WWOX: variants seen among roughly 807,000 people sequenced by gnomAD.
The protein encoded by WWOX is WW domain containing oxidoreductase, also known as WW domain-containing oxidoreductase.
In WWOX, 69 loss-of-function variants were observed where a neutral mutation model predicts 46.2. That is an observed-to-expected ratio of 1.49 (90% confidence interval 1.23 to 1.82). The LOEUF is 1.82. Ranked by LOEUF, WWOX falls within the 40% of genes most tolerant of loss-of-function variation. WWOX has a pLI of 0.00. For synonymous variants in WWOX, 359 were observed against 202.6 expected (o/e 1.77, Z -6.56); for missense variants, 919 against 542.6 (o/e 1.69, Z -6.89).
chr16:78,153,087 G>A (rs752037234), intron 4 of WWOX, among the ~76,000 whole-genome samples: 7 of 152,138 alleles, frequency 4.6e-5, no homozygotes, highest in Non-Finnish European at 5.9e-5. Flanking sequence ...GCTGTGGATC[G>A]TGTTTAGTAA....
intron 4 of WWOX, among the ~76,000 whole-genome samples, chr16:78,129,073 G>C (rs987495884): frequency 6.6e-6 from 1 of 152,154 alleles, no homozygotes; most frequent in African/African-American, 2.4e-5. Flanking sequence ...TTTGGCAAGG[G>C]ATACCATCCT....
rs184235227 is a variant in WWOX, at chr16:79,135,146, T to C, written c.1057-76462T>C. Among the ~76,000 whole-genome samples the C allele has an allele frequency of 3.0e-4, 45 of 152,346 alleles. No homozygotes were observed. The East Asian group carries it at 8.5e-3, about 29-fold the overall frequency. ...CTTCTCAGGAAATGTTTTCTTCTTA[T>C]ACCTCCAAAATAACCACTGTTGACA... On this transcript the variant is annotated intron_variant, in intron 8 of 8. Transcript: ENST00000566780.
At chr16:79,094,084 CTCAT>C (rs1464472111) in intron 8 of WWOX, among the ~76,000 whole-genome samples, 6 of 152,170 alleles carry the variant, frequency 3.9e-5, no homozygotes, top group Non-Finnish European at 8.8e-5. Context: ...CCACCTAGCA[CTCAT>C]CCCACCTCCT....
chr16:79,098,433 C>G (rs2049120696), intron 8 of WWOX, among the ~76,000 whole-genome samples: 1 of 152,164 alleles, frequency 6.6e-6, no homozygotes, highest in African/African-American at 2.4e-5. Context: ...CAGGGGTCAC[C>G]ATGGGCAAAG....
chr16:79,158,416 C>T (rs1597430816), intron 8 of WWOX, among the ~76,000 whole-genome samples: 1 of 152,208 alleles, frequency 6.6e-6, no homozygotes. Context: ...GCTGCAGGAT[C>T]ACTTGCTTTA....
At chr16:78,701,497 C>G (rs2048216361) in intron 8 of WWOX, among the ~76,000 whole-genome samples, 2 of 152,128 alleles carry the variant, frequency 1.3e-5, no homozygotes, top group African/African-American at 4.8e-5. Flanking sequence ...CCTTACCTCT[C>G]TCTACCTCTA....
chr16:78,706,388 G>A (rs1474395970), intron 8 of WWOX, among the ~76,000 whole-genome samples: 1 of 151,998 alleles, frequency 6.6e-6, no homozygotes, highest in Non-Finnish European at 1.5e-5. Context: ...CCTTCTCCAG[G>A]AATCTCTCTG....
intron 5 of WWOX, among the ~76,000 whole-genome samples, chr16:78,321,693 C>T (rs1279716195): frequency 2.6e-5 from 4 of 151,990 alleles, no homozygotes; most frequent in Admixed American, 6.6e-5. Context: ...GATTGGAAGC[C>T]GCGTGGTAGT....
At chr16:78,411,459 A>T (rs1456014544) in intron 6 of WWOX, among the ~76,000 whole-genome samples, 1 of 152,166 alleles carries the variant, frequency 6.6e-6, no homozygotes, top group African/African-American at 2.4e-5. Context: ...GCACGAATAA[A>T]GACCCAGACT....
chr16:78,608,467 C>T (rs1023820473), intron 8 of WWOX, among the ~76,000 whole-genome samples: 2 of 152,194 alleles, frequency 1.3e-5, no homozygotes, highest in East Asian at 1.9e-4. Context: ...TATAAAGCTG[C>T]GACTTGGCCA....
At chr16:78,680,628 T>G (rs977787595) in intron 8 of WWOX, among the ~76,000 whole-genome samples, 1 of 152,150 alleles carries the variant, frequency 6.6e-6, no homozygotes, top group Non-Finnish European at 1.5e-5. Flanking sequence ...AAATTTTAAA[T>G]AAAATTAAAG....
chr16:79,071,213 G>C (rs762038689), intron 8 of WWOX, among the ~76,000 whole-genome samples: 4 of 152,168 alleles, frequency 2.6e-5, no homozygotes, highest in Non-Finnish European at 5.9e-5. Context: ...GTTCAGGTGA[G>C]TCTCACATTG....
At chr16:79,017,042 G>A (rs2047428323) in intron 8 of WWOX, 1 of 152,092 alleles carries the variant, frequency 6.6e-6, no homozygotes, top group African/African-American at 2.4e-5. Flanking sequence ...AGAATAATAT[G>A]AGCACTGAGT....
At chr16:79,198,228 C>A (rs1284532467) in intron 8 of WWOX, among the ~76,000 whole-genome samples, 1 of 151,852 alleles carries the variant, frequency 6.6e-6, no homozygotes, top group Non-Finnish European at 1.5e-5. Flanking sequence ...ATCCCAGCTA[C>A]TCGGGAGGCT....
intron 8 of WWOX, among the ~76,000 whole-genome samples, chr16:79,151,796 G>A (rs770264990): frequency 1.9e-4 from 29 of 152,202 alleles, no homozygotes; most frequent in Non-Finnish European, 3.4e-4. Flanking sequence ...TGCTGTAATG[G>A]CAAGAAAATC....
At chr16:78,848,502 G>A (rs1044261511) in intron 8 of WWOX, among the ~76,000 whole-genome samples, 4 of 152,206 alleles carry the variant, frequency 2.6e-5, no homozygotes, top group Admixed American at 6.5e-5. Flanking sequence ...GCATGAGGTG[G>A]AGTGAGCACT....
chr16:78,869,233 G>A (rs2044073328), intron 8 of WWOX, among the ~76,000 whole-genome samples: 1 of 152,136 alleles, frequency 6.6e-6, no homozygotes, highest in South Asian at 2.1e-4. Context: ...CCTCCCTGAA[G>A]CAGATCTCTA....
chr16:78,542,355 A>G lies in WWOX; in HGVS notation c.1056+109603A>G, dbSNP rs79047243. On this transcript the variant is annotated intron_variant, in intron 8 of 8. Coordinates refer to ENST00000566780, the MANE Select transcript of WWOX (RefSeq NM_016373.4). The stretch of plus-strand genomic sequence containing the variant: ...TGCAAGCTGGAGAACATCATGTAGA[A>G]TCTGAAAATTAGGAGAGAGAGGCAA... 7.5e-3 allele frequency among the ~76,000 whole-genome samples: 1,147 copies of G among 152,252 alleles called. 12 individuals are homozygous for G. The highest frequency in any genetic ancestry group is 0.032 in the East Asian group (163 of 5,170).
chr16:79,078,130 G>C (rs1160839091), intron 8 of WWOX: 2 of 152,124 alleles, frequency 1.3e-5, no homozygotes, highest in Non-Finnish European at 2.9e-5. Flanking sequence ...AAAGCTCTAG[G>C]ACATAAAACT....
Sources: gnomAD v4.1 joint callset for allele counts (sites outside exome capture counted in the v4.1 genomes callset) on GRCh38, gnomAD v4.1.1 for gene constraint, MANE v1.5 for transcripts, NCBI Gene and HGNC (gene_info 2026-07-23, HGNC 2026-07-21) for gene names.